Variants in CCDC141 observed in about 807,000 individuals in gnomAD.
The protein encoded by CCDC141 is coiled-coil domain-containing protein 141.
Under a neutral mutation model 181.0 loss-of-function variants are expected in CCDC141, and 168 were observed. That is an observed-to-expected ratio of 0.93 (90% confidence interval 0.82 to 1.05). The LOEUF (loss-of-function observed/expected upper bound fraction) is 1.05, where lower values mean the gene tolerates loss of function less well. Ranked by LOEUF, CCDC141 falls within the 50% of genes least tolerant of loss-of-function variation. The pLI is 0.00. For missense variants in CCDC141, 1,902 were observed against 1,788.5 expected (o/e 1.06, Z -1.14); for synonymous variants, 666 against 642.3 (o/e 1.04, Z -0.56).
chr2:179,032,224 G>T (rs1010454382), intron 2 of CCDC141, among the ~76,000 whole-genome samples: 15 of 151,974 alleles, frequency 9.9e-5, no homozygotes, highest in Non-Finnish European at 1.8e-4. Flanking sequence ...AGAAAGGATG[G>T]GGAGAGAAAA....
chr2:179,022,525 C>A (rs2042718954), intron 2 of CCDC141, among the ~76,000 whole-genome samples: 1 of 152,170 alleles, frequency 6.6e-6, no homozygotes, highest in Non-Finnish European at 1.5e-5. Context: ...GCCACTTATT[C>A]CCACAACCTT....
intron 2 of CCDC141, among the ~76,000 whole-genome samples, chr2:179,029,765 T>C (rs2042952371): frequency 6.6e-6 from 1 of 152,156 alleles, no homozygotes; most frequent in Non-Finnish European, 1.5e-5. Flanking sequence ...TGATGGAAAT[T>C]TCAGGGTTGA....
At chr2:178,864,549 C>T (rs575071337) in intron 17 of CCDC141, among the ~76,000 whole-genome samples, 33 of 152,268 alleles carry the variant, frequency 2.2e-4, no homozygotes, top group African/African-American at 7.5e-4. Context: ...TGTAGCACAC[C>T]GCTGAAATGA....
At chr2:179,010,032 A>G (rs1325589355) in intron 2 of CCDC141, among the ~76,000 whole-genome samples, 1 of 152,204 alleles carries the variant, frequency 6.6e-6, no homozygotes, top group African/African-American at 2.4e-5. Flanking sequence ...ATAGAATTGA[A>G]CATGTAGAAG....
At chr2:179,000,055 TACACACACACACACACACACACAC>T (rs67309651) in intron 2 of CCDC141, among the ~76,000 whole-genome samples, 2 of 144,260 alleles carry the variant, frequency 1.4e-5, no homozygotes, top group Non-Finnish European at 3.0e-5. Context: ...TTCATCACCA[TACACACACACACACACACACACAC>T]ACACACACAC....
At chr2:178,903,788 A>T (rs559074255) in intron 8 of CCDC141, among the ~76,000 whole-genome samples, 18 of 152,012 alleles carry the variant, frequency 1.2e-4, no homozygotes, top group African/African-American at 4.1e-4. Context: ...AAAAAAAAAG[A>T]AAGGAACCTT....
intron 15 of CCDC141, 132 bp from the exon 16 acceptor site, chr2:178,868,337 A>T: frequency 1.5e-6 from 1 of 675,818 alleles, no homozygotes; most frequent in Non-Finnish European, 2.5e-6. Context: ...TGTTGGCATT[A>T]GCCAAATAAA....
At chr2:179,012,163 C>T (rs1392533781) in intron 2 of CCDC141, among the ~76,000 whole-genome samples, 2 of 152,046 alleles carry the variant, frequency 1.3e-5, no homozygotes, top group East Asian at 1.9e-4. Context: ...AAACAAAATA[C>T]AAAACATAAA....
intron 14 of CCDC141, among the ~76,000 whole-genome samples, chr2:178,869,954 G>A (rs1686036493): frequency 6.6e-6 from 1 of 152,160 alleles, no homozygotes; most frequent in African/African-American, 2.4e-5. Flanking sequence ...ACTATAGGCT[G>A]GGCATGGTGG....
At chr2:178,922,732 G>T (rs1358724741) in intron 6 of CCDC141, among the ~76,000 whole-genome samples, 1 of 152,190 alleles carries the variant, frequency 6.6e-6, no homozygotes, top group Non-Finnish European at 1.5e-5. Flanking sequence ...TATAAATTTT[G>T]CAGACAACAT....
intron 17 of CCDC141, among the ~76,000 whole-genome samples, chr2:178,859,852 G>A (rs1030448123): frequency 5.3e-5 from 8 of 152,176 alleles, no homozygotes; most frequent in Non-Finnish European, 1.0e-4. Flanking sequence ...AGAAGCAGAA[G>A]GGAAAGAGGC....
At chr2:178,978,732 G>C in intron 2 of CCDC141, 57 bp from the exon 3 acceptor site, 5 of 1,307,992 alleles carry the variant, frequency 3.8e-6, no homozygotes, top group Non-Finnish European at 4.0e-6. Flanking sequence ...AAGAACACAG[G>C]ATCACATTTT....
intron 23 of CCDC141, 84 bp from the exon 24 acceptor site, chr2:178,834,524 C>G: frequency 7.3e-7 from 1 of 1,376,842 alleles, no homozygotes; most frequent in Non-Finnish European, 9.8e-7. Context: ...GCAAATAGGC[C>G]CATTACCACT....
rs1025787450 is a variant in CCDC141, at chr2:178,832,765, C to T, written c.*1408G>A. On this transcript the variant is annotated 3_prime_UTR_variant, in exon 24 of 24. Coordinates refer to ENST00000443758, the MANE Select transcript of CCDC141 (RefSeq NM_173648.4). Reference sequence around the variant, plus strand: ...TCCAGCAACATAATTAATTTCTTCCCTTCATCAAAAATCTGTAATGAATTA... The same window carrying T: ...TCCAGCAACATAATTAATTTCTTCCTTTCATCAAAAATCTGTAATGAATTA... 3 of 151,986 alleles carry T rather than the reference C, an allele frequency of 2.0e-5. No individual in the cohort carries two copies. The highest frequency in any genetic ancestry group is 2.1e-4 in the South Asian group (1 of 4,810). 9.4% of individuals were successfully genotyped at this position (151,986 alleles called of 1,614,324 possible).
chr2:178,899,643 G>A (rs1318045832), intron 8 of CCDC141, among the ~76,000 whole-genome samples: 2 of 151,772 alleles, frequency 1.3e-5, no homozygotes, highest in African/African-American at 2.4e-5. Flanking sequence ...GTTTTTTGGT[G>A]TCTGGTAATA....
intron 2 of CCDC141, among the ~76,000 whole-genome samples, chr2:179,015,130 T>G (rs1166870705): frequency 4.1e-5 from 4 of 97,756 alleles, no homozygotes; most frequent in Non-Finnish European, 6.3e-5. Flanking sequence ...TATATATATA[T>G]CATATCATAT....
At chr2:178,898,634 C>G (rs1401831647) in intron 8 of CCDC141, among the ~76,000 whole-genome samples, 1 of 152,062 alleles carries the variant, frequency 6.6e-6, no homozygotes, top group Admixed American at 6.6e-5. Flanking sequence ...TGTAAATAAC[C>G]ACAATTTGCT....
chr2:179,042,394 C>T (rs769051343), intron 2 of CCDC141, among the ~76,000 whole-genome samples: 3 of 152,184 alleles, frequency 2.0e-5, no homozygotes, highest in Non-Finnish European at 2.9e-5. Flanking sequence ...GTCGCCCAGG[C>T]TGGAGTGCAA....
chr2:178,954,566 G>A (rs1473116229), intron 5 of CCDC141, among the ~76,000 whole-genome samples: 3 of 152,106 alleles, frequency 2.0e-5, no homozygotes, highest in Admixed American at 1.3e-4. Context: ...AACTATTTTA[G>A]TTCAAAAGCA....
Sources: gnomAD v4.1 joint callset for allele counts (sites outside exome capture counted in the v4.1 genomes callset) on GRCh38, gnomAD v4.1.1 for gene constraint, MANE v1.5 for transcripts, NCBI Gene and HGNC (gene_info 2026-07-23, HGNC 2026-07-21) for gene names.